The following CFLAR variants were observed in gnomAD, a reference collection of about 807,000 sequenced individuals.
The protein encoded by CFLAR is CASP8 and FADD-like apoptosis regulator.
A neutral mutation model predicts 51.1 loss-of-function variants in CFLAR; 14 were observed. The observed-to-expected ratio is 0.27, with a 90% CI of 0.18 to 0.43. The LOEUF (loss-of-function observed/expected upper bound fraction) is 0.43, where lower values mean the gene tolerates loss of function less well. Ranked by LOEUF, CFLAR falls within the 20% of genes least tolerant of loss-of-function variation. The pLI is 1.00. For missense variants in CFLAR, 390 were observed against 566.5 expected, an observed-to-expected ratio of 0.69 and a Z score of 3.16; for synonymous variants, 210 against 211.6, an observed-to-expected ratio of 0.99 and a Z score of 0.06.
chr2:201,130,177 G>T, intron 2 of CFLAR, 31 bp downstream of exon 2: 4 of 1,439,276 alleles, frequency 2.8e-6, no homozygotes, highest in South Asian at 2.9e-5. Flanking sequence ...GAGGCTGGGT[G>T]GGTGGGAGGG....
chr2:201,145,440 C>A lies in CFLAR; in HGVS notation c.661+8C>A, dbSNP rs533504297. ...AACAGCTTGGCGCTCAACGTAAGAC[C>A]ACCTTTTTTTAATATTCATTATTTA... is the stretch of plus-strand genomic sequence containing the variant. On this transcript the variant is annotated splice_region_variant and intron_variant, in intron 6 of 9. Transcript: ENST00000309955. 3.8e-6 allele frequency: 6 copies of A among 1,568,476 alleles called. No individual in the cohort carries two copies. The highest frequency in any genetic ancestry group is 4.5e-5 in the East Asian group (2 of 44,644).
rs1387522718 is a variant in CFLAR, at chr2:201,175,067, C to T, written c.*11094C>T. The stretch of plus-strand genomic sequence containing the variant: ...CCCTGTATGGTCTAAAAGGTCCAGA[C>T]CTCCCCACTTCTTTCCTGGAAAACT... On this transcript the variant is annotated 3_prime_UTR_variant, in exon 10 of 10. Coordinates refer to ENST00000309955, the MANE Select transcript of CFLAR (RefSeq NM_003879.7). 1 of 152,226 alleles carries T rather than the reference C, an allele frequency of 6.6e-6. No individual in the cohort carries two copies. The highest frequency in any genetic ancestry group is 6.5e-5 in the Admixed American group (1 of 15,286). The allele number at this position is 152,226 out of a possible 1,614,324, so 9.4% of individuals were successfully genotyped here.
At chr2:201,154,587 C>CT (rs1335359863) in intron 8 of CFLAR, 1 of 152,168 alleles carries the variant, frequency 6.6e-6, no homozygotes, top group African/African-American at 2.4e-5. Context: ...AGAATACCTG[C>CT]TATGTAGGTG....
At chr2:201,155,771 G>C (rs548944208) in intron 8 of CFLAR, among the ~76,000 whole-genome samples, 261 of 152,002 alleles carry the variant, frequency 1.7e-3, no homozygotes, top group African/African-American at 6.0e-3. Context: ...CTACACACAG[G>C]CGCCACCACA....
chr2:201,135,840 TG>T (rs1366717778), intron 3 of CFLAR, 131 bp from the exon 4 acceptor site: 4 of 1,253,704 alleles, frequency 3.2e-6, no homozygotes, highest in East Asian at 4.7e-5. Flanking sequence ...TTGCTCAGGC[TG>T]GTCTCAAACT....
chr2:201,163,414 A>T, intron 9 of CFLAR: 1 of 1,120,198 alleles, frequency 8.9e-7, no homozygotes, highest in Non-Finnish European at 1.1e-6. Flanking sequence ...TCTGGGCTGT[A>T]CCTCTGCGTA....
intron 4 of CFLAR, chr2:201,137,867 G>A (rs1371635922): frequency 1.9e-5 from 16 of 834,280 alleles, no homozygotes; most frequent in Admixed American, 5.1e-5. Flanking sequence ...AGAAGCACTC[G>A]CCGGGGGCCT....
intron 2 of CFLAR, among the ~76,000 whole-genome samples, chr2:201,132,522 C>T (rs1342420056): frequency 1.3e-5 from 2 of 151,236 alleles, no homozygotes; most frequent in African/African-American, 4.9e-5. Flanking sequence ...GTTCAGAATC[C>T]TTGTGATCCA....
rs996070242 is a variant in CFLAR, at chr2:201,166,162, G to A, written c.*2189G>A. Reference sequence around the variant, plus strand: ...CACTTCCCAGATGGGGCGGCCAGGCGGACGCGCCCCCCACCTCCCTCCCGG... The same window carrying A: ...CACTTCCCAGATGGGGCGGCCAGGCAGACGCGCCCCCCACCTCCCTCCCGG... On this transcript the variant is annotated 3_prime_UTR_variant, in exon 10 of 10. Transcript: ENST00000309955. 4.9e-4 allele frequency: 80 copies of A among 164,936 alleles called. No individual in the cohort carries two copies. The highest frequency in any genetic ancestry group is 8.5e-4 in the Non-Finnish European group (66 of 77,764). 10.2% of individuals were successfully genotyped at this position (164,936 alleles called of 1,614,324 possible).
At chr2:201,157,493 C>A (rs970959275) in intron 8 of CFLAR, among the ~76,000 whole-genome samples, 7 of 152,118 alleles carry the variant, frequency 4.6e-5, no homozygotes, top group African/African-American at 1.7e-4. Flanking sequence ...CCTGCCTCAG[C>A]CTCCTGAGTA....
At position 201,116,403 on chromosome 2, in the gene CFLAR, T is replaced by C. The variant is rs965614881; in HGVS notation, c.-216T>C. 1.3e-5 allele frequency: 2 copies of C among 152,344 alleles called. No homozygotes were observed. The highest frequency in any genetic ancestry group is 4.8e-5 in the African/African-American group (2 of 41,460). The allele number at this position is 152,344 out of a possible 1,614,324, so 9.4% of individuals were successfully genotyped here. On this transcript the variant is annotated 5_prime_UTR_variant, in exon 1 of 10. Transcript: ENST00000309955. This position sits in a 1 kb window ranked among gnomAD's most constrained non-coding sequence, Gnocchi z 4.8. ...CAGGCTTTCGGTTTCTTTGCCTCCA[T>C]CTTGGGTGCGCCTTCCCGGCGTCTA... is the stretch of plus-strand genomic sequence containing the variant.
At chr2:201,160,196 A>G (rs1313767850) in intron 8 of CFLAR, among the ~76,000 whole-genome samples, 1 of 152,176 alleles carries the variant, frequency 6.6e-6, no homozygotes, top group Non-Finnish European at 1.5e-5. Flanking sequence ...GGCTGGCATC[A>G]GGCAGGAACA....
intron 6 of CFLAR, among the ~76,000 whole-genome samples, chr2:201,146,956 C>T (rs1484435008): frequency 6.6e-6 from 1 of 152,156 alleles, no homozygotes; most frequent in Non-Finnish European, 1.5e-5. Context: ...TACTGAGAAG[C>T]GAATTAATTC....
rs1287526090 is a variant in CFLAR, at chr2:201,138,933, T to C, written c.524-1424T>C. The C allele has an allele frequency of 4.8e-6, 3 of 631,564 alleles. No individual in the cohort carries two copies. The highest frequency in any genetic ancestry group is 3.6e-5 in the African/African-American group (2 of 55,546). 39.1% of individuals were successfully genotyped at this position (631,564 alleles called of 1,614,324 possible). A position where few individuals can be genotyped will look rare whatever the true frequency, so the allele number is the denominator to read the frequency against. On this transcript the variant is annotated intron_variant, in intron 4 of 9. Coordinates refer to ENST00000309955, the MANE Select transcript of CFLAR (RefSeq NM_003879.7). This position sits in a 1 kb window ranked among gnomAD's most constrained non-coding sequence, Gnocchi z 4.0. ...TCCACCTCATCAGCTATGAAGTCTA[T>C]GAATCCTGGGAGAATCAAGAAGTCG...
rs1206362019 is a variant in CFLAR, at chr2:201,124,959, A to AC, written c.-137-4768dup. Reference sequence around the variant, plus strand: ...TTTTGGATGTGGCAACCAGGAGGTCACCAGGGCCTCAACAAGAGCTGTGTC... The same window carrying AC: ...TTTTGGATGTGGCAACCAGGAGGTCACCCAGGGCCTCAACAAGAGCTGTGTC... On this transcript the variant is annotated intron_variant, in intron 1 of 9. Coordinates refer to ENST00000309955, the MANE Select transcript of CFLAR (RefSeq NM_003879.7). The surrounding 1 kb of genome is among the most constrained non-coding windows in gnomAD (Gnocchi z 4.7). Among the ~76,000 whole-genome samples, 1 of 152,182 alleles carries AC rather than the reference A, an allele frequency of 6.6e-6. No homozygotes were observed. The highest frequency in any genetic ancestry group is 1.5e-5 in the Non-Finnish European group (1 of 68,026).
Position 201,160,533 on chromosome 2 carries a change from A to G in CFLAR, c.895A>G (p.Met299Val), listed in dbSNP as rs1260523971. Residue 299 changes from methionine to valine, a missense_variant, in exon 9 of 10, where the codon ATG becomes GTG. Coordinates refer to ENST00000309955, the MANE Select transcript of CFLAR (RefSeq NM_003879.7). ...CCAGATTCTTGGCCAATTTGCCTGT[A>G]TGCCCGAGCACCGAGACTACGACAG... Reference protein sequence around the residue: ...ISQILGQFACMPEHRDYDSFV... With the variant: ...ISQILGQFACVPEHRDYDSFV... 2 of 1,613,150 alleles carry G rather than the reference A, an allele frequency of 1.2e-6. No homozygotes were observed. Among genetic ancestry groups the G allele is most frequent in the Non-Finnish European group, 1.7e-6 (2 of 1,179,744 alleles).
Position 201,163,955 on chromosome 2 carries a change from T to TA in CFLAR, c.1426dup (p.Ile476AsnfsTer19). Reference sequence around the variant, plus strand: ...TGCAGCACACTCTGAGAAAGAAACTTATCCTCTCCTACACATAAGAAACCA... The same window carrying TA: ...TGCAGCACACTCTGAGAAAGAAACTTAATCCTCTCCTACACATAAGAAACCA... On this transcript the variant is annotated frameshift_variant, in exon 10 of 10. Coordinates refer to ENST00000309955, the MANE Select transcript of CFLAR (RefSeq NM_003879.7). LOFTEE classifies it high-confidence loss of function. 1 of 1,613,930 alleles carries TA rather than the reference T, an allele frequency of 6.2e-7. No individual in the cohort carries two copies. Among genetic ancestry groups the TA allele is most frequent in the South Asian group, 1.1e-5 (1 of 91,064 alleles).
At chr2:201,149,648 A>T in intron 7 of CFLAR, 106 bp from the exon 8 acceptor site, 1 of 778,170 alleles carries the variant, frequency 1.3e-6, no homozygotes. Flanking sequence ...CTGTTGAGTG[A>T]CTCACCTGCC....
chr2:201,159,181 C>G (rs927702900), intron 8 of CFLAR, among the ~76,000 whole-genome samples: 2 of 151,504 alleles, frequency 1.3e-5, no homozygotes, highest in African/African-American at 4.9e-5. Flanking sequence ...GCTGGTTGCC[C>G]TCACTATTTA....
Sources: allele counts gnomAD v4.1 joint callset (sites outside exome capture counted in the v4.1 genomes callset), GRCh38; gene constraint gnomAD v4.1.1; non-coding constraint Gnocchi (gnomAD v3.1); transcripts MANE v1.5; gene names NCBI Gene and HGNC (gene_info 2026-07-23, HGNC 2026-07-21).